The following DENND1A variants were observed in gnomAD, a reference collection of about 807,000 sequenced individuals.
DENND1A encodes the protein DENN domain-containing protein 1A.
In DENND1A, 51 loss-of-function variants were observed where a neutral mutation model predicts 113.7. That is an observed-to-expected ratio of 0.45 (90% CI 0.36 to 0.57). The LOEUF is 0.57. DENND1A is among the 20% of genes least tolerant of loss of function. DENND1A has a pLI of 0.00. For synonymous variants in DENND1A, 565 were observed against 570.8 expected (o/e 0.99, Z 0.14); for missense variants, 1,258 against 1,395.9 (o/e 0.90, Z 1.57).
At chr9:123,588,643 G>C (rs973137570) in intron 11 of DENND1A, among the ~76,000 whole-genome samples, 2 of 122,926 alleles carry the variant, frequency 1.6e-5, no homozygotes, top group African/African-American at 6.0e-5. Context: ...AGGGGGGGGG[G>C]GAAGAGAAAA....
chr9:123,477,576 T>C lies in DENND1A; in HGVS notation c.994-19679A>G, dbSNP rs534335729. Among the ~76,000 whole-genome samples, 236 of 151,574 alleles carry C rather than the reference T, an allele frequency of 1.6e-3. 2 individuals carry two copies. Among genetic ancestry groups the C allele is most frequent in the African/African-American group, 5.1e-3 (211 of 41,272 alleles). ...ACACAGTGAGGGGAACAACACACTC[T>C]GGGGCCTGTCGGGGGAGGGTGGTGG... On this transcript the variant is annotated intron_variant, in intron 13 of 23. Coordinates refer to ENST00000394215, the MANE Select transcript of DENND1A (RefSeq NM_001352964.2).
At chr9:123,534,743 T>G (rs2055595612) in intron 13 of DENND1A, among the ~76,000 whole-genome samples, 1 of 152,256 alleles carries the variant, frequency 6.6e-6, no homozygotes, top group African/African-American at 2.4e-5. Flanking sequence ...TTTCCTAAGT[T>G]TATAAACCAT....
chr9:123,601,508 G>A (rs2059933024), intron 11 of DENND1A, among the ~76,000 whole-genome samples: 2 of 152,160 alleles, frequency 1.3e-5, no homozygotes, highest in African/African-American at 4.8e-5. Flanking sequence ...GCTTCTGGAT[G>A]GTACGAGACT....
chr9:123,398,700 C>T (rs1345586272), intron 21 of DENND1A, among the ~76,000 whole-genome samples: 1 of 149,916 alleles, frequency 6.7e-6, no homozygotes, highest in Non-Finnish European at 1.5e-5. Context: ...TCTAAGCACC[C>T]AGTTGGATGG....
At chr9:123,628,804 C>T (rs1422806335) in intron 10 of DENND1A, among the ~76,000 whole-genome samples, 1 of 152,138 alleles carries the variant, frequency 6.6e-6, no homozygotes, top group African/African-American at 2.4e-5. Context: ...AGAAGAAATT[C>T]AAAATTAGCC....
At chr9:123,547,486 G>A (rs981046835) in intron 13 of DENND1A, among the ~76,000 whole-genome samples, 2 of 152,118 alleles carry the variant, frequency 1.3e-5, no homozygotes, top group East Asian at 1.9e-4. Flanking sequence ...CTGAGATGTC[G>A]CCATTGCACT....
At chr9:123,853,171 G>A (rs1339358568) in intron 2 of DENND1A, among the ~76,000 whole-genome samples, 4 of 151,028 alleles carry the variant, frequency 2.6e-5, no homozygotes, top group Non-Finnish European at 4.4e-5. Flanking sequence ...GCCGGTCTCA[G>A]CCTCCCAAAG....
intron 12 of DENND1A, among the ~76,000 whole-genome samples, chr9:123,564,496 C>G (rs2057939054): frequency 6.6e-6 from 1 of 152,266 alleles, no homozygotes; most frequent in Non-Finnish European, 1.5e-5. Flanking sequence ...GCCACCCACA[C>G]TGGGCTCCAG....
chr9:123,675,969 C>T (rs1307534712), intron 6 of DENND1A, among the ~76,000 whole-genome samples: 1 of 152,162 alleles, frequency 6.6e-6, no homozygotes, highest in East Asian at 1.9e-4. Context: ...AAATCCCAAA[C>T]AATTAACAAT....
chr9:123,483,120 A>G (rs1163282486), intron 13 of DENND1A, among the ~76,000 whole-genome samples: 1 of 152,124 alleles, frequency 6.6e-6, no homozygotes, highest in African/African-American at 2.4e-5. Flanking sequence ...GCTTTAGGAG[A>G]CAAGAGTTGA....
chr9:123,421,895 C>T (rs1355457828), intron 19 of DENND1A, among the ~76,000 whole-genome samples: 2 of 152,126 alleles, frequency 1.3e-5, no homozygotes, highest in South Asian at 2.1e-4. Flanking sequence ...CCCCGATAAA[C>T]CCCACCACAA....
intron 4 of DENND1A, among the ~76,000 whole-genome samples, chr9:123,768,041 A>G (rs1228291620): frequency 6.6e-6 from 1 of 152,178 alleles, no homozygotes; most frequent in African/African-American, 2.4e-5. Context: ...AAATATCTCT[A>G]AACAAAACCT....
chr9:123,382,384 G>A lies in DENND1A; in HGVS notation c.2261C>T (p.Thr754Ile). The A allele has an allele frequency of 6.3e-7, 1 of 1,598,876 alleles. No homozygotes were observed. The highest frequency in any genetic ancestry group is 8.5e-7 in the Non-Finnish European group (1 of 1,172,624). Residue 754 changes from threonine to isoleucine, a missense_variant, in exon 24 of 24, where the codon ACT (threonine) becomes ATT (isoleucine). Coordinates refer to ENST00000394215, the MANE Select transcript of DENND1A (RefSeq NM_001352964.2). ...CCGGGGGATGGTGATGCTGCCCAGA[G>A]TAGGGGTGGGCACCTCCTCCTTGTC... ...PSDKEEVPTP[T>I]LGSITIPRPQ...
intron 2 of DENND1A, among the ~76,000 whole-genome samples, chr9:123,820,043 T>G (rs1838209865): frequency 6.6e-6 from 1 of 151,954 alleles, no homozygotes; most frequent in African/African-American, 2.4e-5. Flanking sequence ...GAAACAATAT[T>G]GGGAGGGAAA....
chr9:123,575,808 A>C (rs2058604533), intron 12 of DENND1A, among the ~76,000 whole-genome samples: 1 of 152,178 alleles, frequency 6.6e-6, no homozygotes, highest in African/African-American at 2.4e-5. Flanking sequence ...TTTGATCAGC[A>C]TTTGGCTGGT....
intron 9 of DENND1A, among the ~76,000 whole-genome samples, chr9:123,649,706 T>C (rs2062540080): frequency 6.6e-6 from 1 of 152,254 alleles, no homozygotes; most frequent in Admixed American, 6.5e-5. Context: ...TGGCATAAAG[T>C]TGCTAACAGT....
chr9:123,566,957 T>C (rs2058090087), intron 12 of DENND1A, among the ~76,000 whole-genome samples: 1 of 105,206 alleles, frequency 9.5e-6, no homozygotes, highest in Non-Finnish European at 2.0e-5. Context: ...ACACACACAA[T>C]TAATGTAGCT....
chr9:123,461,046 A>T lies in DENND1A; in HGVS notation c.994-3149T>A, dbSNP rs138680982. On this transcript the variant is annotated intron_variant, in intron 13 of 23. Transcript: ENST00000394215. ...AAAGCTGACCCTGGCTTCCTTTCCTAGAGTCCTTCTGTGTCACTTTGCCTC... is the reference window on the plus strand; with the variant it reads ...AAAGCTGACCCTGGCTTCCTTTCCTTGAGTCCTTCTGTGTCACTTTGCCTC... 2.6e-5 allele frequency among the ~76,000 whole-genome samples: 4 copies of T among 152,322 alleles called. No individual in the cohort carries two copies. In the East Asian group the frequency reaches 7.7e-4, roughly 29 times the overall value.
At chr9:123,911,826 G>T (rs1426242989) in intron 1 of DENND1A, among the ~76,000 whole-genome samples, 1 of 152,010 alleles carries the variant, frequency 6.6e-6, no homozygotes, top group Non-Finnish European at 1.5e-5. Flanking sequence ...AAGTTGCTGG[G>T]ACTACAGGTG....
Sources: gnomAD v4.1 joint callset for allele counts (sites outside exome capture counted in the v4.1 genomes callset) on GRCh38, gnomAD v4.1.1 for gene constraint, MANE v1.5 for transcripts, NCBI Gene and HGNC (gene_info 2026-07-23, HGNC 2026-07-21) for gene names.